Variants in RERE observed in about 807,000 individuals in gnomAD.
RERE encodes the protein arginine-glutamic acid dipeptide repeats.
In RERE, 40 loss-of-function variants were observed where a neutral mutation model predicts 146.1. That is an observed-to-expected ratio of 0.27 (90% CI 0.21 to 0.36). The LOEUF (loss-of-function observed/expected upper bound fraction) is 0.36. Ranked by LOEUF, RERE falls within the 10% of genes least tolerant of loss-of-function variation. The pLI is 1.00. For missense variants in RERE, 1,933 were observed against 2,138.7 expected, an observed-to-expected ratio of 0.90 and a Z score of 1.90; for synonymous variants, 1,003 against 866.0, an observed-to-expected ratio of 1.16 and a Z score of -2.78.
intron 12 of RERE, among the ~76,000 whole-genome samples, chr1:8,397,603 A>G (rs373208054): frequency 6.8e-6 from 1 of 147,128 alleles, no homozygotes; most frequent in Admixed American, 6.7e-5. Context: ...AAAAAAAAAA[A>G]CACATGAAAC....
chr1:8,458,608 C>A (rs1644484185), intron 11 of RERE, among the ~76,000 whole-genome samples: 1 of 152,190 alleles, frequency 6.6e-6, no homozygotes, highest in South Asian at 2.1e-4. Flanking sequence ...CACACACGGC[C>A]CTAAAGAACA....
intron 7 of RERE, among the ~76,000 whole-genome samples, chr1:8,524,134 G>A (rs1026973797): frequency 3.3e-5 from 5 of 152,054 alleles, no homozygotes; most frequent in Non-Finnish European, 4.4e-5. Flanking sequence ...AAAATAAGGC[G>A]AGTTCCAGAA....
chr1:8,677,454 G>GAA (rs571192127), intron 1 of RERE, among the ~76,000 whole-genome samples: 2 of 101,684 alleles, frequency 2.0e-5, no homozygotes, highest in East Asian at 2.9e-4. Flanking sequence ...AGAAAGAAAA[G>GAA]AAAAAAAAAA....
chr1:8,732,700 T>C (rs950958034), intron 1 of RERE, among the ~76,000 whole-genome samples: 4 of 151,834 alleles, frequency 2.6e-5, no homozygotes, highest in African/African-American at 7.3e-5. Flanking sequence ...TTGTAACAGA[T>C]AAGCCACACT....
chr1:8,416,182 T>A (rs1643753853), intron 12 of RERE, among the ~76,000 whole-genome samples: 1 of 152,204 alleles, frequency 6.6e-6, no homozygotes, highest in Non-Finnish European at 1.5e-5. Context: ...CTAGACTGCA[T>A]GCCACAAGGT....
At chr1:8,628,467 T>C (rs1220976601) in intron 2 of RERE, among the ~76,000 whole-genome samples, 1 of 152,154 alleles carries the variant, frequency 6.6e-6, no homozygotes. Flanking sequence ...TGACGAACTA[T>C]TGTACAGTCA....
intron 10 of RERE, among the ~76,000 whole-genome samples, chr1:8,472,729 T>C (rs1467039350): frequency 6.6e-6 from 1 of 152,158 alleles, no homozygotes; most frequent in Non-Finnish European, 1.5e-5. Flanking sequence ...GAGCTTACAA[T>C]CTTTGAAAGC....
intron 12 of RERE, among the ~76,000 whole-genome samples, chr1:8,416,548 T>C (rs1002422610): frequency 2.2e-5 from 3 of 136,438 alleles, no homozygotes; most frequent in African/African-American, 8.5e-5. Context: ...ACTGCATAAC[T>C]GCACTCCAGC....
chr1:8,581,332 TAA>T (rs1553188411), intron 4 of RERE, among the ~76,000 whole-genome samples: 5 of 152,242 alleles, frequency 3.3e-5, no homozygotes, highest in Admixed American at 6.5e-5. Flanking sequence ...TCTTATCCTA[TAA>T]GAGTGTTGTT....
chr1:8,776,134 C>T (rs1351873076), intron 1 of RERE, among the ~76,000 whole-genome samples: 1 of 152,264 alleles, frequency 6.6e-6, no homozygotes, highest in East Asian at 1.9e-4. Context: ...TCTCTAAATT[C>T]TTCATCTGTT....
chr1:8,680,861 G>C (rs1638949111), intron 1 of RERE, among the ~76,000 whole-genome samples: 1 of 152,146 alleles, frequency 6.6e-6, no homozygotes, highest in Admixed American at 6.5e-5. Flanking sequence ...TAGCCCGGGA[G>C]AAAGAGACAG....
chr1:8,704,382 A>G (rs1639518422), intron 1 of RERE, among the ~76,000 whole-genome samples: 1 of 152,222 alleles, frequency 6.6e-6, no homozygotes, highest in Admixed American at 6.5e-5. Flanking sequence ...GTCAACCCAA[A>G]TTAGAAAGGT....
At chr1:8,776,886 ATT>A (rs879575743) in intron 1 of RERE, among the ~76,000 whole-genome samples, 1 of 143,048 alleles carries the variant, frequency 7.0e-6, no homozygotes, top group Non-Finnish European at 1.5e-5. Context: ...TGGCCAACTA[ATT>A]TTTTTTTTTT....
intron 1 of RERE, among the ~76,000 whole-genome samples, chr1:8,741,565 T>C (rs998725483): frequency 1.3e-5 from 2 of 152,206 alleles, no homozygotes; most frequent in Non-Finnish European, 2.9e-5. Flanking sequence ...CTGATGGTTT[T>C]ATAAGAAGCT....
chr1:8,527,384 C>T (rs1299748204), intron 7 of RERE, among the ~76,000 whole-genome samples: 2 of 151,988 alleles, frequency 1.3e-5, no homozygotes, highest in Admixed American at 1.3e-4. Flanking sequence ...TAGAACCTAG[C>T]AGCCAAATAA....
chr1:8,402,706 T>G (rs1228654989), intron 12 of RERE, among the ~76,000 whole-genome samples: 1 of 152,222 alleles, frequency 6.6e-6, no homozygotes, highest in East Asian at 1.9e-4. Context: ...GTTTCCTTCT[T>G]AGATCGTATT....
chr1:8,440,540 G>A (rs1215962618), intron 11 of RERE, among the ~76,000 whole-genome samples: 4 of 146,524 alleles, frequency 2.7e-5, no homozygotes, highest in Admixed American at 2.1e-4. Flanking sequence ...GCAGTAAGCC[G>A]AGATCATGCC....
chr1:8,759,838 TACACACACACACACACACACAC>T (rs369646175), intron 1 of RERE, among the ~76,000 whole-genome samples: 1 of 142,230 alleles, frequency 7.0e-6, no homozygotes, highest in Non-Finnish European at 1.5e-5. Flanking sequence ...ACTCTCTCTA[TACACACACACACACACACACAC>T]ACACACACAC....
intron 4 of RERE, among the ~76,000 whole-genome samples, chr1:8,561,441 A>C (rs1451004655): frequency 6.6e-6 from 1 of 152,220 alleles, no homozygotes; most frequent in Non-Finnish European, 1.5e-5. Flanking sequence ...ACTAGATTAC[A>C]ATTAGGTAAT....
Sources: gnomAD v4.1 joint callset for allele counts (sites outside exome capture counted in the v4.1 genomes callset) on GRCh38, gnomAD v4.1.1 for gene constraint, MANE v1.5 for transcripts, NCBI Gene and HGNC (gene_info 2026-07-23, HGNC 2026-07-21) for gene names.